Variants in YIF1A observed in about 807,000 individuals in gnomAD.
The protein encoded by YIF1A is Yip1 interacting factor homolog A, membrane trafficking protein.
In YIF1A, 28 loss-of-function variants were observed where a neutral mutation model predicts 32.6. That is an observed-to-expected ratio of 0.86 (90% CI 0.64 to 1.18). The LOEUF is 1.18. Among genes scored for constraint, YIF1A ranks in the 50% most tolerant of loss-of-function variants. The pLI, the probability that YIF1A is intolerant of heterozygous loss-of-function variation, is 0.00. For synonymous variants in YIF1A, 175 were observed against 162.2 expected (o/e 1.08, Z -0.60); for missense variants, 373 against 390.8 (o/e 0.95, Z 0.38).
At chr11:66,287,748 G>C in intron 3 of YIF1A, 64 bp downstream of exon 3, 1 of 1,609,754 alleles carries the variant, frequency 6.2e-7, no homozygotes, top group Middle Eastern at 1.7e-4. Flanking sequence ...AGGGGGTTGA[G>C]GTCTGGGGGC....
Sources: gnomAD v4.1 joint callset for allele counts on GRCh38, gnomAD v4.1.1 for gene constraint, MANE v1.5 for transcripts, NCBI Gene and HGNC (gene_info 2026-07-23, HGNC 2026-07-21) for gene names.